Variants in NFXL1 observed in about 807,000 individuals in gnomAD.
NFXL1 encodes nuclear transcription factor, X-box binding like 1.
NFXL1 carries 66 observed loss-of-function variants against 123.3 expected under a neutral mutation model. The observed-to-expected ratio is 0.54, with a 90% CI of 0.44 to 0.66. NFXL1 has a LOEUF of 0.66. NFXL1 is among the 30% of genes least tolerant of loss of function. The probability of loss-of-function intolerance (pLI) is 0.00; values close to 1 mark genes in which losing one functional copy is unlikely to be tolerated. For synonymous variants in NFXL1, 346 were observed against 360.8 expected, an observed-to-expected ratio of 0.96 and a Z score of 0.46; for missense variants, 944 against 1,125.6, an observed-to-expected ratio of 0.84 and a Z score of 2.31.
intron 19 of NFXL1, among the ~76,000 whole-genome samples, chr4:47,855,559 C>G (rs562525000): frequency 6.6e-6 from 1 of 151,954 alleles, no homozygotes; most frequent in African/African-American, 2.4e-5. Flanking sequence ...ATGATGAAAG[C>G]TGGAGCGGTA....
intron 12 of NFXL1, among the ~76,000 whole-genome samples, chr4:47,887,644 C>T (rs949335234): frequency 6.6e-6 from 1 of 152,084 alleles, no homozygotes; most frequent in Non-Finnish European, 1.5e-5. Flanking sequence ...GGTTCTCATT[C>T]GGCATATTAT....
intron 19 of NFXL1, among the ~76,000 whole-genome samples, chr4:47,860,536 T>C (rs1418428914): frequency 6.6e-6 from 1 of 152,246 alleles, no homozygotes; most frequent in Non-Finnish European, 1.5e-5. Flanking sequence ...ACCAGTGGCT[T>C]AATGTGTACA....
intron 18 of NFXL1, among the ~76,000 whole-genome samples, chr4:47,864,799 T>A (rs559792957): frequency 1.3e-5 from 2 of 152,334 alleles, no homozygotes; most frequent in East Asian, 3.9e-4. Flanking sequence ...TATGTATCTC[T>A]TCATCTGTAT....
intron 5 of NFXL1, among the ~76,000 whole-genome samples, chr4:47,901,337 A>G (rs868386326): frequency 2.0e-4 from 31 of 152,238 alleles, no homozygotes; most frequent in Admixed American, 2.0e-3. Context: ...AATGCAAAGT[A>G]TATGGCACAG....
Position 47,885,878 on chromosome 4 carries a change from C to T in NFXL1, c.1664+1G>A. The T allele has an allele frequency of 6.2e-7, 1 of 1,612,298 alleles. No individual in the cohort carries two copies. Among genetic ancestry groups the T allele is most frequent in the Non-Finnish European group, 8.5e-7 (1 of 1,179,506 alleles). On this transcript the variant is annotated splice_donor_variant, in intron 13 of 22. Coordinates refer to ENST00000507489, the MANE Select transcript of NFXL1 (RefSeq NM_001278624.2). LOFTEE classifies it high-confidence loss of function. ...AAGCTTGTGCAAAGCTTCAAACTCA[C>T]CTGCATTGCTCCTTGCACTTGGGTG...
chr4:47,911,870 CAT>C (rs2110111208), intron 2 of NFXL1, among the ~76,000 whole-genome samples: 1 of 152,294 alleles, frequency 6.6e-6, no homozygotes, highest in African/African-American at 2.4e-5. Context: ...GGACAGCAAA[CAT>C]AGTTTAAGAA....
chr4:47,887,956 A>G (rs1046383915), intron 12 of NFXL1, among the ~76,000 whole-genome samples: 2 of 152,036 alleles, frequency 1.3e-5, no homozygotes, highest in African/African-American at 4.8e-5. Context: ...AACTATAAAC[A>G]CAGATGATCC....
intron 17 of NFXL1, chr4:47,877,179 T>C (rs1229708970): frequency 2.2e-6 from 1 of 462,608 alleles, no homozygotes; most frequent in South Asian, 1.5e-5. Context: ...TCACAGAGCT[T>C]CAGTTTCCCT....
rs1467926658 is a variant in NFXL1, at chr4:47,885,983, G to A, written c.1560C>T (p.Cys520=). The A allele has an allele frequency of 2.5e-6, 4 of 1,611,542 alleles. No homozygotes were observed. The change falls in exon 13 of 23, where the codon TGC becomes TGT. Residue 520 remains cysteine (C), a synonymous_variant. Transcript: ENST00000507489. ...TACACTTCACATCTACGGTTTCTGG[G>A]CAGGGATAGCAACTGCCTGAAAAAA... is the stretch of plus-strand genomic sequence containing the variant. ...SVCHRGSCYP[C]PETVDVKCNC...
At chr4:47,865,072 T>C (rs976450099) in intron 18 of NFXL1, among the ~76,000 whole-genome samples, 1 of 152,210 alleles carries the variant, frequency 6.6e-6, no homozygotes, top group African/African-American at 2.4e-5. Context: ...GACACCCAGC[T>C]GGTGCCTGCT....
chr4:47,891,499 C>T (rs550053464), intron 11 of NFXL1, among the ~76,000 whole-genome samples: 5 of 152,266 alleles, frequency 3.3e-5, no homozygotes, highest in Non-Finnish European at 5.9e-5. Context: ...TTCTTTGTCA[C>T]TTCCCTGGTT....
chr4:47,889,215 C>G (rs947900831), intron 12 of NFXL1, among the ~76,000 whole-genome samples: 2 of 152,072 alleles, frequency 1.3e-5, no homozygotes, highest in African/African-American at 2.4e-5. Context: ...TACTGTTAAA[C>G]CAGTTATATC....
intron 18 of NFXL1, among the ~76,000 whole-genome samples, chr4:47,874,678 G>A (rs978427616): frequency 6.8e-6 from 1 of 147,264 alleles, no homozygotes; most frequent in Admixed American, 6.9e-5. Flanking sequence ...TTGGAAAAAG[G>A]GCATCAATAG....
At chr4:47,863,498 A>G (rs1734880218) in intron 18 of NFXL1, among the ~76,000 whole-genome samples, 1 of 152,106 alleles carries the variant, frequency 6.6e-6, no homozygotes, top group Admixed American at 6.6e-5. Flanking sequence ...CCTAGCCAAC[A>G]TGGTGAAAGC....
At chr4:47,899,224 A>T in intron 6 of NFXL1, 104 bp from the exon 7 acceptor site, 1 of 1,299,158 alleles carries the variant, frequency 7.7e-7, no homozygotes, top group Non-Finnish European at 1.0e-6. Flanking sequence ...AACTTTCTTT[A>T]CTGACACTTT....
At chr4:47,900,520 T>A (rs1737313538) in intron 5 of NFXL1, among the ~76,000 whole-genome samples, 1 of 152,190 alleles carries the variant, frequency 6.6e-6, no homozygotes, top group Non-Finnish European at 1.5e-5. Context: ...CAAAAAAAGA[T>A]ATAATTCGAA....
At chr4:47,877,820 T>C in intron 17 of NFXL1, among the ~76,000 whole-genome samples, 1 of 152,098 alleles carries the variant, frequency 6.6e-6, no homozygotes, top group East Asian at 1.9e-4. Context: ...TTAATGTTAA[T>C]AATAAAGTGA....
At chr4:47,895,391 G>A (rs1340080290) in intron 10 of NFXL1, among the ~76,000 whole-genome samples, 1 of 152,168 alleles carries the variant, frequency 6.6e-6, no homozygotes, top group African/African-American at 2.4e-5. Flanking sequence ...TCCAGTAGAA[G>A]GCTATTTCAT....
chr4:47,873,702 G>C (rs1210862728), intron 18 of NFXL1, among the ~76,000 whole-genome samples: 4 of 152,178 alleles, frequency 2.6e-5, no homozygotes, highest in Non-Finnish European at 5.9e-5. Flanking sequence ...TGGTAAATGA[G>C]TACTGGCTTC....
Sources: allele counts gnomAD v4.1 joint callset (sites outside exome capture counted in the v4.1 genomes callset), GRCh38; gene constraint gnomAD v4.1.1; transcripts MANE v1.5; gene names NCBI Gene and HGNC (gene_info 2026-07-23, HGNC 2026-07-21).